TRAPPC9: variants seen among roughly 807,000 people sequenced by gnomAD.
TRAPPC9 encodes IKK2 binding protein.
A neutral mutation model predicts 124.0 loss-of-function variants in TRAPPC9; 83 were observed. The ratio of observed to expected loss-of-function variants is 0.67; its 90% CI spans 0.56 to 0.80. The LOEUF (loss-of-function observed/expected upper bound fraction) is 0.80, where lower values mean the gene tolerates loss of function less well. Ranked by LOEUF, TRAPPC9 falls within the 30% of genes least tolerant of loss-of-function variation. The probability of loss-of-function intolerance (pLI) is 0.00; values close to 1 mark genes in which losing one functional copy is unlikely to be tolerated. For missense variants in TRAPPC9, 1,302 were observed against 1,508.3 expected (o/e 0.86, Z 2.27); for synonymous variants, 638 against 617.5 (o/e 1.03, Z -0.49).
At chr8:140,023,046 C>T (rs982914768) in intron 18 of TRAPPC9, among the ~76,000 whole-genome samples, 1 of 152,162 alleles carries the variant, frequency 6.6e-6, no homozygotes, top group South Asian at 2.1e-4. Flanking sequence ...GCACGGGATC[C>T]CCCCACCGCC....
chr8:139,956,256 G>T (rs1042195615), intron 19 of TRAPPC9, among the ~76,000 whole-genome samples: 2 of 151,972 alleles, frequency 1.3e-5, no homozygotes, highest in Non-Finnish European at 2.9e-5. Flanking sequence ...CTGCCCCCCG[G>T]ATTCAAGCAA....
intron 9 of TRAPPC9, among the ~76,000 whole-genome samples, chr8:140,358,554 C>A (rs2067826068): frequency 6.6e-6 from 1 of 152,232 alleles, no homozygotes. Flanking sequence ...GATGCACACC[C>A]CACGTTACCC....
At chr8:140,377,573 GCA>G (rs1336222296) in intron 7 of TRAPPC9, among the ~76,000 whole-genome samples, 1 of 152,142 alleles carries the variant, frequency 6.6e-6, no homozygotes, top group African/African-American at 2.4e-5. Flanking sequence ...GGGATTACAG[GCA>G]TGAGCCACTG....
intron 17 of TRAPPC9, among the ~76,000 whole-genome samples, chr8:140,205,725 C>T (rs1203715972): frequency 6.6e-6 from 1 of 152,184 alleles, no homozygotes; most frequent in East Asian, 1.9e-4. Context: ...TTCAGGCAGG[C>T]CTGGGCAACC....
intron 18 of TRAPPC9, among the ~76,000 whole-genome samples, chr8:139,989,269 C>T (rs1837469703): frequency 6.6e-6 from 1 of 152,094 alleles, no homozygotes; most frequent in Non-Finnish European, 1.5e-5. Flanking sequence ...CTACCAGGTT[C>T]CACGCTGGGC....
intron 21 of TRAPPC9, among the ~76,000 whole-genome samples, chr8:139,854,300 G>A (rs1436337316): frequency 6.6e-6 from 1 of 152,198 alleles, no homozygotes; most frequent in Admixed American, 6.5e-5. Flanking sequence ...CGATAGGGGT[G>A]GCTGGTTCCC....
chr8:140,349,769 T>C (rs990330879), intron 9 of TRAPPC9, among the ~76,000 whole-genome samples: 4 of 152,130 alleles, frequency 2.6e-5, no homozygotes, highest in African/African-American at 9.7e-5. Context: ...CCTTAAAGCA[T>C]GGCACTGCAC....
intron 17 of TRAPPC9, among the ~76,000 whole-genome samples, chr8:140,146,922 C>T (rs1185300572): frequency 6.7e-6 from 1 of 149,208 alleles, no homozygotes; most frequent in East Asian, 2.0e-4. Flanking sequence ...ATTTTAATAA[C>T]TAAATGTGAA....
At chr8:140,427,964 C>T (rs1371597234) in intron 4 of TRAPPC9, among the ~76,000 whole-genome samples, 1 of 152,142 alleles carries the variant, frequency 6.6e-6, no homozygotes, top group Non-Finnish European at 1.5e-5. Flanking sequence ...CAGATATTAA[C>T]CCTCCCTGCC....
At chr8:140,078,096 A>C (rs1233197393) in intron 17 of TRAPPC9, among the ~76,000 whole-genome samples, 1 of 152,342 alleles carries the variant, frequency 6.6e-6, no homozygotes, top group East Asian at 1.9e-4. Flanking sequence ...ATTACTGTGA[A>C]AGAAAGAAAA....
chr8:140,039,190 C>T (rs78418695), intron 17 of TRAPPC9, among the ~76,000 whole-genome samples: 2,271 of 152,338 alleles, frequency 0.015, 53 homozygotes, highest in African/African-American at 0.051. Flanking sequence ...TTACTGTCCA[C>T]GGCCTGTCTG....
chr8:139,923,210 T>A (rs1312608253), intron 19 of TRAPPC9, among the ~76,000 whole-genome samples: 40 of 151,828 alleles, frequency 2.6e-4, no homozygotes, highest in Non-Finnish European at 5.4e-4. Flanking sequence ...CCCCGCTAAG[T>A]GGAGCTGAAC....
At chr8:140,040,784 G>A (rs190068730) in intron 17 of TRAPPC9, 1 of 152,358 alleles carries the variant, frequency 6.6e-6, no homozygotes, top group East Asian at 1.9e-4. Context: ...AGAAGGTGGT[G>A]ATGCAGTAAC....
At chr8:139,954,538 T>A (rs28635287) in intron 19 of TRAPPC9, among the ~76,000 whole-genome samples, 45,225 of 152,108 alleles carry the variant, frequency 0.3, 7,084 homozygotes, top group East Asian at 0.63. Flanking sequence ...CCACCCAGTC[T>A]GTGGTACTTT....
intron 6 of TRAPPC9, among the ~76,000 whole-genome samples, chr8:140,404,808 A>C (rs573045098): frequency 2.7e-5 from 4 of 150,436 alleles, no homozygotes; most frequent in South Asian, 2.1e-4. Context: ...GTGTGTGAAC[A>C]TGTGTGTATG....
intron 12 of TRAPPC9, 147 bp from the exon 13 acceptor site, chr8:140,287,881 T>C (rs1419739682): frequency 3.4e-6 from 4 of 1,175,966 alleles, no homozygotes; most frequent in Non-Finnish European, 4.9e-6. Flanking sequence ...TCGGAGACAG[T>C]GTACAGTGTA....
intron 19 of TRAPPC9, among the ~76,000 whole-genome samples, chr8:139,946,678 T>TAA (rs35575126): frequency 2.9e-4 from 39 of 136,412 alleles, no homozygotes; most frequent in East Asian, 2.1e-3. Flanking sequence ...AATTTTCTTC[T>TAA]AAAAAAAAAA....
intron 21 of TRAPPC9, among the ~76,000 whole-genome samples, chr8:139,851,797 A>C (rs1273754383): frequency 6.6e-6 from 1 of 152,230 alleles, no homozygotes; most frequent in Non-Finnish European, 1.5e-5. Flanking sequence ...AGCTGGCACC[A>C]GCAGGAGATC....
At chr8:139,982,772 G>T (rs1014327338) in intron 19 of TRAPPC9, among the ~76,000 whole-genome samples, 10 of 152,224 alleles carry the variant, frequency 6.6e-5, no homozygotes, top group African/African-American at 2.4e-4. Context: ...CCATTGTAAA[G>T]TATGAGACTA....
Sources: gnomAD v4.1 joint callset for allele counts (sites outside exome capture counted in the v4.1 genomes callset) on GRCh38, gnomAD v4.1.1 for gene constraint, MANE v1.5 for transcripts, NCBI Gene and HGNC (gene_info 2026-07-23, HGNC 2026-07-21) for gene names.